The following INF2 variants were observed in gnomAD, a reference collection of about 807,000 sequenced individuals.
The protein encoded by INF2 is inverted formin-2.
INF2 carries 43 observed loss-of-function variants against 123.5 expected under a neutral mutation model. That is an observed-to-expected ratio of 0.35 (90% CI 0.27 to 0.45). The LOEUF (loss-of-function observed/expected upper bound fraction) is 0.45, where lower values mean the gene tolerates loss of function less well. INF2 is among the 20% of genes least tolerant of loss of function. The pLI is 1.00. For missense variants in INF2, 1,453 were observed against 1,682.7 expected, an observed-to-expected ratio of 0.86 and a Z score of 2.39; for synonymous variants, 851 against 745.0, an observed-to-expected ratio of 1.14 and a Z score of -2.32.
chr14:104,713,053 C>T (rs1231060376), intron 18 of INF2, 61 bp downstream of exon 18: 1 of 1,608,870 alleles, frequency 6.2e-7, no homozygotes, highest in South Asian at 1.1e-5. Context: ...GGCCCCTGGC[C>T]TTCCTCCGGC....
At chr14:104,709,813 G>T in intron 12 of INF2, 108 bp downstream of exon 12, 1 of 989,872 alleles carries the variant, frequency 1.0e-6, no homozygotes, top group Non-Finnish European at 1.6e-6. Context: ...GCCAATGGCT[G>T]CCCCGGGCTC....
intron 1 of INF2, among the ~76,000 whole-genome samples, chr14:104,694,178 C>T (rs115382826): frequency 0.019 from 2,893 of 152,340 alleles, 96 homozygotes; most frequent in African/African-American, 0.067. Flanking sequence ...AGGGGCCACA[C>T]GGGCGGTGCT....
At chr14:104,712,109 C>G (rs143551143) in intron 16 of INF2, among the ~76,000 whole-genome samples, 1 of 152,196 alleles carries the variant, frequency 6.6e-6, no homozygotes, top group African/African-American at 2.4e-5. Context: ...CTGGGCCACC[C>G]CACTACACAG....
intron 1 of INF2, among the ~76,000 whole-genome samples, chr14:104,698,269 GC>G (rs1240547829): frequency 1.3e-5 from 2 of 152,226 alleles, no homozygotes; most frequent in African/African-American, 4.8e-5. Flanking sequence ...GTTCCCCATA[GC>G]CCCGTGCCCC....
chr14:104,685,381 C>G (rs1888629608), upstream of INF2, among the ~76,000 whole-genome samples: 1 of 152,120 alleles, frequency 6.6e-6, no homozygotes, highest in Non-Finnish European at 1.5e-5. Context: ...TTGCAAAATG[C>G]TGAGAGGCTC....
In INF2 at chr14:104,707,581, T is replaced by G. The variant is rs756754402; in HGVS notation, c.1314T>G (p.Pro438=). The change falls in exon 8 of 23, where the codon CCT becomes CCG. Residue 438 remains proline, a synonymous_variant. Transcript: ENST00000392634. ...TCCCTGGTTCCAGTGCCGAGCCCCC[T>G]CCCCCTCCCCCACCACCCCCCCTGC... ...PLLPGSSAEP[P]PPPPPPPLPS... is the part of the protein sequence containing the mutation. 51 of 680,354 alleles carry G rather than the reference T, an allele frequency of 7.5e-5. No homozygotes were observed. The highest frequency in any genetic ancestry group is 9.4e-5 in the Non-Finnish European group (47 of 500,692). The allele number at this position is 680,354 out of a possible 1,614,324, so 42.1% of individuals were successfully genotyped here.
rs550469678 is a variant in INF2, at chr14:104,706,796, A to G, written c.844-114A>G. Reference sequence around the variant, plus strand: ...GTCGCTGAAACTCTCATCTCTAGGGATCCGTGGGAATAGAGGGGGTGATGG... The same window carrying G: ...GTCGCTGAAACTCTCATCTCTAGGGGTCCGTGGGAATAGAGGGGGTGATGG... On this transcript the variant is annotated intron_variant, in intron 6 of 22. Transcript: ENST00000392634. The G allele has an allele frequency of 1.4e-4, 162 of 1,188,658 alleles. No homozygotes were observed. In the African/African-American group the frequency reaches 2.0e-3, roughly 14 times the overall value. 73.6% of individuals were successfully genotyped at this position (1,188,658 alleles called of 1,614,324 possible). A position where few individuals can be genotyped will look rare whatever the true frequency, so the allele number is the denominator to read the frequency against.
At chr14:104,706,504 T>G (rs1337912479) in intron 6 of INF2, among the ~76,000 whole-genome samples, 1 of 152,066 alleles carries the variant, frequency 6.6e-6, no homozygotes, top group Non-Finnish European at 1.5e-5. Context: ...CCAGTCCCCA[T>G]CAGGTGGGCT....
At chr14:104,709,777 C>T (rs1889957765) in intron 12 of INF2, 72 bp downstream of exon 12, 7 of 1,349,108 alleles carry the variant, frequency 5.2e-6, no homozygotes, top group South Asian at 3.5e-5. Flanking sequence ...GGGAGCAGGG[C>T]CCAGCCAGGG....
At chr14:104,686,735 C>T (rs1486256981), upstream of INF2, among the ~76,000 whole-genome samples, 1 of 152,228 alleles carries the variant, frequency 6.6e-6, no homozygotes, top group Non-Finnish European at 1.5e-5. Context: ...GGAAGCCCTT[C>T]TGGGCCTGCA....
upstream of INF2, among the ~76,000 whole-genome samples, chr14:104,686,299 GGGTGGGTA>G (rs1320137731): frequency 6.6e-6 from 1 of 151,546 alleles, no homozygotes; most frequent in African/African-American, 2.4e-5. Context: ...GTGGATGAAT[GGGTGGGTA>G]GGTGGGTGGA....
Position 104,707,063 on chromosome 14 carries a change from G to A in INF2, c.985+12G>A. 6.4e-7 allele frequency: 1 copy of A among 1,571,046 alleles called. No individual in the cohort carries two copies. Among genetic ancestry groups the A allele is most frequent in the Non-Finnish European group, 8.6e-7 (1 of 1,166,618 alleles). On this transcript the variant is annotated intron_variant, in intron 7 of 22. Coordinates refer to ENST00000392634, the MANE Select transcript of INF2 (RefSeq NM_022489.4). Reference sequence around the variant, plus strand: ...CCTGGCCAGCGATGGTGAGGGGGCGGGGCAGGGGCGTAGGCACAGCCTGGT... The same window carrying A: ...CCTGGCCAGCGATGGTGAGGGGGCGAGGCAGGGGCGTAGGCACAGCCTGGT...
chr14:104,718,368 A>G (rs1890412442), intron 22 of INF2, among the ~76,000 whole-genome samples: 1 of 152,162 alleles, frequency 6.6e-6, no homozygotes, highest in African/African-American at 2.4e-5. Flanking sequence ...GAGCGCCCTC[A>G]GCAGCCCACT....
Position 104,721,399 on chromosome 14 carries a change from C to T in INF2, c.*2606C>T, listed in dbSNP as rs559760244. Reference sequence around the variant, plus strand: ...GTGTGGATGCTGCTGTGGACGTCTGCGTCGTCCTCGTGTGGATGCTGCTGT... The same window carrying T: ...GTGTGGATGCTGCTGTGGACGTCTGTGTCGTCCTCGTGTGGATGCTGCTGT... On this transcript the variant is annotated 3_prime_UTR_variant, in exon 23 of 23. Transcript: ENST00000392634. 1.9e-5 allele frequency: 3 copies of T among 157,226 alleles called. No individual in the cohort carries two copies. The highest frequency in any genetic ancestry group is 4.2e-5 in the Non-Finnish European group (3 of 71,766). 9.7% of individuals were successfully genotyped at this position (157,226 alleles called of 1,614,324 possible).
chr14:104,683,827 C>T (rs1888591833), intron 1 of INF2, among the ~76,000 whole-genome samples: 1 of 152,198 alleles, frequency 6.6e-6, no homozygotes, highest in Non-Finnish European at 1.5e-5. Flanking sequence ...CTCCCCCTCT[C>T]CCCTTCTCTG....
chr14:104,710,771 G>T (rs1015642598), intron 13 of INF2, 166 bp from the exon 14 acceptor site: 1 of 624,170 alleles, frequency 1.6e-6, no homozygotes, highest in Non-Finnish European at 2.8e-6. Flanking sequence ...GTCGGTGGAG[G>T]GTTTGCAGCC....
upstream of INF2, chr14:104,689,593 C>T (rs1888834374): frequency 1.6e-6 from 1 of 610,054 alleles, no homozygotes; most frequent in African/African-American, 2.0e-5. Context: ...CTCTTCCTCC[C>T]GCCCGCCCCG....
Position 104,712,739 on chromosome 14 carries a change from TGGCCGTCACCCTCCCGCAACTCAG to T in INF2, c.2611-84_2611-61del, listed in dbSNP as rs1168911256. 3.4e-6 allele frequency: 5 copies of T among 1,490,996 alleles called. No homozygotes were observed. The African/African-American group carries it at 6.9e-5, about 21-fold the overall frequency. The allele number at this position is 1,490,996 out of a possible 1,614,324, so 92.4% of individuals were successfully genotyped here. ...CCACCGTCCTCAGGGCCTGTCCCTG[TGGCCGTCACCCTCCCGCAACTCAG>T]GGCCTCACCCCGGGTGGTGCCCGCG... On this transcript the variant is annotated intron_variant, in intron 17 of 22. Coordinates refer to ENST00000392634, the MANE Select transcript of INF2 (RefSeq NM_022489.4).
chr14:104,713,150 C>T, intron 18 of INF2, 57 bp from the exon 19 acceptor site: 1 of 1,587,704 alleles, frequency 6.3e-7, no homozygotes. Flanking sequence ...CGCCCAGGCC[C>T]ATGGAGCCCC....
Sources: gnomAD v4.1 joint callset for allele counts (sites outside exome capture counted in the v4.1 genomes callset) on GRCh38, gnomAD v4.1.1 for gene constraint, MANE v1.5 for transcripts, NCBI Gene and HGNC (gene_info 2026-07-23, HGNC 2026-07-21) for gene names.